Variants in GRAMD1C observed in about 807,000 individuals in gnomAD.
GRAMD1C encodes GRAM domain containing 1C.
A neutral mutation model predicts 97.8 loss-of-function variants in GRAMD1C; 89 were observed. The ratio of observed to expected loss-of-function variants is 0.91; its 90% CI spans 0.77 to 1.09. GRAMD1C has a LOEUF of 1.09. Among genes scored for constraint, GRAMD1C ranks in the 50% least tolerant of loss-of-function variants. The pLI is 0.00. For synonymous variants in GRAMD1C, 256 were observed against 267.0 expected, an observed-to-expected ratio of 0.96 and a Z score of 0.40; for missense variants, 740 against 766.4, an observed-to-expected ratio of 0.97 and a Z score of 0.41.
chr3:113,904,808 C>G (rs1285387615), intron 8 of GRAMD1C, among the ~76,000 whole-genome samples: 1 of 152,076 alleles, frequency 6.6e-6, no homozygotes, highest in Non-Finnish European at 1.5e-5. Flanking sequence ...TCTCAAGTAT[C>G]ATTGTAAGCA....
At chr3:113,919,442 C>A in intron 10 of GRAMD1C, 3 of 514,170 alleles carry the variant, frequency 5.8e-6, no homozygotes, top group South Asian at 4.4e-5. Context: ...ATTTATAGGT[C>A]AAATGGAACT....
chr3:113,829,186 G>C (rs1709526767), intron 1 of GRAMD1C, among the ~76,000 whole-genome samples: 1 of 152,126 alleles, frequency 6.6e-6, no homozygotes, highest in South Asian at 2.1e-4. Flanking sequence ...ACGAGGGAAG[G>C]CCAGAACAGG....
chr3:113,840,506 G>A (rs1280434345), intron 1 of GRAMD1C, among the ~76,000 whole-genome samples: 1 of 152,058 alleles, frequency 6.6e-6, no homozygotes, highest in Non-Finnish European at 1.5e-5. Context: ...GGAGGCCAAG[G>A]CAGAAAGAAG....
intron 5 of GRAMD1C, among the ~76,000 whole-genome samples, chr3:113,880,594 T>C (rs1294165035): frequency 1.3e-5 from 2 of 152,212 alleles, no homozygotes; most frequent in Non-Finnish European, 2.9e-5. Context: ...GTGAACAGCC[T>C]GACCATGCCC....
rs144282535 is a variant in GRAMD1C at position 113,933,202 on chromosome 3, A to G, written c.1210-309A>G. ...GTCTGGCCTAATTTTTTATTAAAAA[A>G]AATTTTTTTTGTAGAGGCTGGGTGT... On this transcript the variant is annotated intron_variant, in intron 11 of 17. Transcript: ENST00000358160. Among the ~76,000 whole-genome samples the G allele has an allele frequency of 2.3e-3, 355 of 152,116 alleles. 1 individual carries two copies. The highest frequency in any genetic ancestry group is 8.5e-3 in the African/African-American group (351 of 41,480).
intron 6 of GRAMD1C, among the ~76,000 whole-genome samples, chr3:113,884,623 G>A (rs1015602638): frequency 6.6e-6 from 1 of 152,150 alleles, no homozygotes; most frequent in South Asian, 2.1e-4. Context: ...ACGAGGTCAG[G>A]AGATCGAGAC....
chr3:113,841,541 C>A (rs975809910), intron 1 of GRAMD1C, among the ~76,000 whole-genome samples: 2 of 151,998 alleles, frequency 1.3e-5, no homozygotes, highest in African/African-American at 4.8e-5. Flanking sequence ...ACCTGGCTTT[C>A]CCTCCCAAAG....
At chr3:113,856,280 C>T (rs1342586756) in intron 2 of GRAMD1C, among the ~76,000 whole-genome samples, 1 of 151,872 alleles carries the variant, frequency 6.6e-6, no homozygotes, top group Non-Finnish European at 1.5e-5. Context: ...AGTGTAGACC[C>T]ACATGCATTT....
chr3:113,896,921 T>C lies in GRAMD1C; in HGVS notation c.541-4110T>C, dbSNP rs527421288. Among the ~76,000 whole-genome samples the C allele has an allele frequency of 2.0e-5, 3 of 152,360 alleles. No homozygotes were observed. In the South Asian group the frequency reaches 6.2e-4, roughly 32 times the overall value. ...TAGGAATTAGTAGATGAAACTGTACTGTCTATTATAGTCCAGATCACTGCC... is the reference window on the plus strand; with the variant it reads ...TAGGAATTAGTAGATGAAACTGTACCGTCTATTATAGTCCAGATCACTGCC... On this transcript the variant is annotated intron_variant, in intron 6 of 17. Transcript: ENST00000358160.
At chr3:113,844,444 T>C (rs1933517264) in intron 1 of GRAMD1C, 59 bp from the exon 2 acceptor site, 2 of 1,181,340 alleles carry the variant, frequency 1.7e-6, no homozygotes, top group Admixed American at 4.0e-5. Context: ...TTAACTTTTT[T>C]CTTTTTAAAA....
At chr3:113,829,248 C>T (rs574793055) in intron 1 of GRAMD1C, among the ~76,000 whole-genome samples, 25 of 152,092 alleles carry the variant, frequency 1.6e-4, no homozygotes, top group Middle Eastern at 3.4e-3. Context: ...ATAGGGAGGC[C>T]CAGTCTGTAC....
In GRAMD1C at chr3:113,931,582, C is replaced by T. The variant is rs1032880025; in HGVS notation, c.1209+750C>T. On this transcript the variant is annotated intron_variant, in intron 11 of 17. Transcript: ENST00000358160. Reference sequence around the variant, plus strand: ...GCATGTTGGTTGGGCTGGTCTCGAACTCCTGAACTCATGATCCGCCTGCCT... The same window carrying T: ...GCATGTTGGTTGGGCTGGTCTCGAATTCCTGAACTCATGATCCGCCTGCCT... Among the ~76,000 whole-genome samples the T allele has an allele frequency of 1.2e-4, 18 of 152,032 alleles. 1 individual carries two copies. The highest frequency in any genetic ancestry group is 1.0e-4 in the Non-Finnish European group (7 of 68,004).
chr3:113,933,440 T>A (rs1937512733), intron 11 of GRAMD1C, 71 bp from the exon 12 acceptor site: 3 of 1,031,720 alleles, frequency 2.9e-6, no homozygotes, highest in Non-Finnish European at 4.4e-6. Flanking sequence ...CTAATATACA[T>A]GTTCTAAATT....
chr3:113,911,790 C>T (rs546359126), intron 9 of GRAMD1C, among the ~76,000 whole-genome samples: 3 of 149,862 alleles, frequency 2.0e-5, no homozygotes, highest in Admixed American at 6.8e-5. Flanking sequence ...TGCAGTAGCA[C>T]GATCTCGGCT....
At chr3:113,903,558 G>A (rs570636727) in intron 7 of GRAMD1C, among the ~76,000 whole-genome samples, 1 of 152,222 alleles carries the variant, frequency 6.6e-6, no homozygotes, top group Admixed American at 6.5e-5. Flanking sequence ...TTGAGAAAGG[G>A]AAAGCAGATC....
chr3:113,830,364 C>T (rs1404046320), intron 1 of GRAMD1C, among the ~76,000 whole-genome samples: 2 of 151,478 alleles, frequency 1.3e-5, no homozygotes, highest in Admixed American at 1.3e-4. Flanking sequence ...TTCACCTGTG[C>T]AAGCTTTTTA....
intron 15 of GRAMD1C, 27 bp downstream of exon 15, chr3:113,938,170 T>A (rs1378273363): frequency 2.6e-6 from 3 of 1,173,154 alleles, no homozygotes; most frequent in Non-Finnish European, 3.7e-6. Context: ...AATGCTTATT[T>A]TGCTTGTTTC....
chr3:113,922,198 A>G (rs776115082), intron 10 of GRAMD1C, among the ~76,000 whole-genome samples: 2 of 151,746 alleles, frequency 1.3e-5, no homozygotes, highest in Non-Finnish European at 2.9e-5. Flanking sequence ...CAGCCCCCCA[A>G]GTAGCTGGGA....
intron 1 of GRAMD1C, among the ~76,000 whole-genome samples, chr3:113,842,819 C>T (rs1048405705): frequency 4.0e-5 from 6 of 151,696 alleles, no homozygotes; most frequent in East Asian, 1.9e-4. Flanking sequence ...AAAAATTAGC[C>T]GGGTGAGGTG....
Sources: allele counts gnomAD v4.1 joint callset (sites outside exome capture counted in the v4.1 genomes callset), GRCh38; gene constraint gnomAD v4.1.1; transcripts MANE v1.5; gene names NCBI Gene and HGNC (gene_info 2026-07-23, HGNC 2026-07-21).